Variants in POU6F2 observed in about 807,000 individuals in gnomAD.
The protein encoded by POU6F2 is POU class 6 homeobox 2.
In POU6F2, 31 loss-of-function variants were observed where a neutral mutation model predicts 71.3. The observed-to-expected ratio is 0.43, with a 90% CI of 0.33 to 0.59. POU6F2 has a LOEUF of 0.59. Ranked by LOEUF, POU6F2 falls within the 20% of genes least tolerant of loss-of-function variation. The pLI is 0.04. For synonymous variants in POU6F2, 347 were observed against 355.7 expected, an observed-to-expected ratio of 0.98 and a Z score of 0.27; for missense variants, 783 against 856.8, an observed-to-expected ratio of 0.91 and a Z score of 1.07.
chr7:39,278,605 C>A (rs77599938), intron 4 of POU6F2, among the ~76,000 whole-genome samples: 109 of 152,268 alleles, frequency 7.2e-4, no homozygotes, highest in African/African-American at 2.5e-3. Flanking sequence ...AATCTAGACA[C>A]CCACCCGTGC....
intron 1 of POU6F2, among the ~76,000 whole-genome samples, chr7:39,039,835 C>T (rs1034676354): frequency 2.7e-5 from 4 of 150,504 alleles, no homozygotes; most frequent in Non-Finnish European, 5.9e-5. Flanking sequence ...GGAAATCATA[C>T]TGTGAAACCA....
intron 1 of POU6F2, among the ~76,000 whole-genome samples, chr7:39,080,965 A>G (rs1461683718): frequency 6.6e-6 from 1 of 152,226 alleles, no homozygotes; most frequent in Non-Finnish European, 1.5e-5. Context: ...TTAAAAAAAC[A>G]CAAAGCCCAA....
chr7:39,353,289 TG>T (rs1469476702), intron 5 of POU6F2, among the ~76,000 whole-genome samples: 1 of 152,226 alleles, frequency 6.6e-6, no homozygotes, highest in Non-Finnish European at 1.5e-5. Flanking sequence ...CATGAATGCA[TG>T]GGTTGACCTA....
At chr7:39,342,826 A>C (rs1240608358) in intron 5 of POU6F2, among the ~76,000 whole-genome samples, 1 of 152,216 alleles carries the variant, frequency 6.6e-6, no homozygotes, top group African/African-American at 2.4e-5. Flanking sequence ...GTGTAATTTT[A>C]TTTTACTCTT....
chr7:39,395,600 G>C (rs1787160283), intron 5 of POU6F2, among the ~76,000 whole-genome samples: 1 of 152,202 alleles, frequency 6.6e-6, no homozygotes, highest in South Asian at 2.1e-4. Flanking sequence ...GTCCCTGGGG[G>C]CTGGCACAGA....
At chr7:39,317,839 G>A (rs562428913) in intron 4 of POU6F2, among the ~76,000 whole-genome samples, 5 of 152,008 alleles carry the variant, frequency 3.3e-5, no homozygotes, top group Non-Finnish European at 5.9e-5. Flanking sequence ...ATTTCTCAAG[G>A]GTAAAATTGG....
intron 5 of POU6F2, among the ~76,000 whole-genome samples, chr7:39,352,737 C>CT (rs965005876): frequency 6.6e-6 from 1 of 151,740 alleles, no homozygotes; most frequent in Non-Finnish European, 1.5e-5. Flanking sequence ...CAATGGTTTC[C>CT]TTTTTTTTCA....
chr7:39,103,900 A>G (rs1791624445), intron 2 of POU6F2, among the ~76,000 whole-genome samples: 1 of 152,172 alleles, frequency 6.6e-6, no homozygotes, highest in Non-Finnish European at 1.5e-5. Flanking sequence ...GGACAAATAT[A>G]CAGAGTGAAA....
intron 5 of POU6F2, among the ~76,000 whole-genome samples, chr7:39,357,410 G>A: frequency 6.6e-6 from 1 of 152,216 alleles, no homozygotes; most frequent in East Asian, 1.9e-4. Context: ...AGGGTTCAGA[G>A]GAAGCTGGTA....
chr7:39,006,799 T>C, intron 1 of POU6F2: 1 of 1,593,886 alleles, frequency 6.3e-7, no homozygotes, highest in East Asian at 2.2e-5. Flanking sequence ...TGCTGTTTAC[T>C]GTCAAGATGC....
rs919310140 is a variant in POU6F2, at chr7:39,154,684, A to G, written c.278-49551A>G. On this transcript the variant is annotated intron_variant, in intron 2 of 9. Coordinates refer to ENST00000518318, the MANE Select transcript of POU6F2 (RefSeq NM_001370959.1). ...ATGAATTCATGCTCTTCTTTTGTATATAGGCTCTGTGGGTGAGGGTGGGGC... is the reference window on the plus strand; with the variant it reads ...ATGAATTCATGCTCTTCTTTTGTATGTAGGCTCTGTGGGTGAGGGTGGGGC... Among the ~76,000 whole-genome samples, 3 of 152,150 alleles carry G rather than the reference A, an allele frequency of 2.0e-5. No individual in the cohort carries two copies. In the East Asian group the frequency reaches 5.8e-4, roughly 29 times the overall value.
chr7:39,285,032 C>T (rs911671324), intron 4 of POU6F2, among the ~76,000 whole-genome samples: 26 of 152,174 alleles, frequency 1.7e-4, no homozygotes, highest in African/African-American at 6.3e-4. Flanking sequence ...CAGCTTGCAT[C>T]CCTCACAGGG....
chr7:39,236,645 G>A (rs1794681464), intron 4 of POU6F2, among the ~76,000 whole-genome samples: 1 of 152,066 alleles, frequency 6.6e-6, no homozygotes, highest in Non-Finnish European at 1.5e-5. Flanking sequence ...TGCTGAACCT[G>A]TTGCTAGTCA....
At chr7:39,449,072 T>G (rs575441583) in intron 7 of POU6F2, among the ~76,000 whole-genome samples, 47 of 152,326 alleles carry the variant, frequency 3.1e-4, no homozygotes, top group South Asian at 6.2e-4. Flanking sequence ...TGTCTTTGGT[T>G]TGTAATCTAG....
intron 4 of POU6F2, among the ~76,000 whole-genome samples, chr7:39,299,498 A>G (rs1260253301): frequency 6.6e-6 from 1 of 152,200 alleles, no homozygotes; most frequent in Non-Finnish European, 1.5e-5. Flanking sequence ...AGAAACAGCT[A>G]GAAGTGTGTC....
At chr7:39,066,130 C>T (rs184400905) in intron 1 of POU6F2, among the ~76,000 whole-genome samples, 121 of 151,686 alleles carry the variant, frequency 8.0e-4, no homozygotes, top group African/African-American at 2.8e-3. Context: ...CTTATCTGCA[C>T]GATACTTTAG....
chr7:39,011,999 G>A (rs1330105555), intron 1 of POU6F2, among the ~76,000 whole-genome samples: 1 of 152,044 alleles, frequency 6.6e-6, no homozygotes, highest in African/African-American at 2.4e-5. Context: ...ACAATTATGT[G>A]TCTTGGAGTT....
chr7:38,986,758 C>T (rs1036164353), intron 1 of POU6F2, among the ~76,000 whole-genome samples: 2 of 152,122 alleles, frequency 1.3e-5, no homozygotes, highest in East Asian at 1.9e-4. Context: ...TGATTCCACT[C>T]GCCACAAATA....
Position 39,467,581 on chromosome 7 carries a change from T to G in POU6F2, c.*2895T>G, listed in dbSNP as rs1027819836. On this transcript the variant is annotated 3_prime_UTR_variant, in exon 10 of 10. Transcript: ENST00000518318. ...TCATTACTTCATGAAAAAATGACAGTGGATATTACATTTTACACTTGTTTA... is the reference window on the plus strand; with the variant it reads ...TCATTACTTCATGAAAAAATGACAGGGGATATTACATTTTACACTTGTTTA... 2.0e-5 allele frequency: 3 copies of G among 152,258 alleles called. No homozygotes were observed. Among genetic ancestry groups the G allele is most frequent in the African/African-American group, 7.2e-5 (3 of 41,472 alleles). 9.4% of individuals were successfully genotyped at this position (152,258 alleles called of 1,614,324 possible).
Sources: gnomAD v4.1 joint callset for allele counts (sites outside exome capture counted in the v4.1 genomes callset) on GRCh38, gnomAD v4.1.1 for gene constraint, MANE v1.5 for transcripts, NCBI Gene and HGNC (gene_info 2026-07-23, HGNC 2026-07-21) for gene names.